Variants in EFR3A observed in about 807,000 individuals in gnomAD.
The protein encoded by EFR3A is protein EFR3 homolog A.
In EFR3A, 76 loss-of-function variants were observed where a neutral mutation model predicts 104.4. That is an observed-to-expected ratio of 0.73 (90% CI 0.60 to 0.88). The LOEUF (loss-of-function observed/expected upper bound fraction) is 0.88. Among genes scored for constraint, EFR3A ranks in the 40% least tolerant of loss-of-function variants. The probability of loss-of-function intolerance (pLI) is 0.00; values close to 1 mark genes in which losing one functional copy is unlikely to be tolerated. For synonymous variants in EFR3A, 330 were observed against 330.0 expected (o/e 1.00, Z 0.00); for missense variants, 985 against 1,012.5 (o/e 0.97, Z 0.37).
intron 1 of EFR3A, among the ~76,000 whole-genome samples, chr8:131,935,316 G>C (rs1012335455): frequency 3.9e-5 from 6 of 152,112 alleles, no homozygotes; most frequent in African/African-American, 1.4e-4. Context: ...ATAAATGTCT[G>C]CTTTATGCCT....
chr8:131,967,247 A>G (rs1254923084), intron 8 of EFR3A, among the ~76,000 whole-genome samples: 1 of 152,190 alleles, frequency 6.6e-6, no homozygotes, highest in Non-Finnish European at 1.5e-5. Context: ...GGTGATTTTA[A>G]AAGTAGATGT....
At position 131,996,494 on chromosome 8, in the gene EFR3A, T is replaced by A; in HGVS notation, c.2154T>A (p.Asp718Glu). The part of the protein sequence containing the change: ...DILSNNVPSD[D>E]VVSNTEEITF... Reference sequence around the variant, plus strand: ...TATCCAACAATGTTCCTTCTGATGATGTGGTAAGTTACTGAAAGTTTATGG... The same window carrying A: ...TATCCAACAATGTTCCTTCTGATGAAGTGGTAAGTTACTGAAAGTTTATGG... The change falls in exon 19 of 23, where the codon GAT becomes GAA. Residue 718 changes from aspartate (D) to glutamate (E), a missense_variant. Transcript: ENST00000254624. 2 of 1,587,196 alleles carry A rather than the reference T, an allele frequency of 1.3e-6. No homozygotes were observed. The highest frequency in any genetic ancestry group is 1.7e-4 in the Middle Eastern group (1 of 6,030).
intron 10 of EFR3A, 83 bp from the exon 11 acceptor site, chr8:131,975,944 A>C: frequency 2.5e-6 from 2 of 789,220 alleles, no homozygotes; most frequent in Non-Finnish European, 4.2e-6. Flanking sequence ...CCACATATTG[A>C]AAACTTTGGC....
chr8:131,977,057 A>G lies in EFR3A; in HGVS notation c.1291A>G (p.Arg431Gly). ...ATATTTTAGGGATTTGGGAACCAGGAGAATTCAGATAATGTTGCTGAGATC... is the reference window on the plus strand; with the variant it reads ...ATATTTTAGGGATTTGGGAACCAGGGGAATTCAGATAATGTTGCTGAGATC... ...ISQLGDLGTRRIQIMLLRSLL... is the reference protein window; with the variant it reads ...ISQLGDLGTRGIQIMLLRSLL... The change falls in exon 12 of 23, where the codon AGA becomes GGA. Residue 431 changes from arginine to glycine, a missense_variant. Coordinates refer to ENST00000254624, the MANE Select transcript of EFR3A (RefSeq NM_015137.6). 6.2e-7 allele frequency: 1 copy of G among 1,602,424 alleles called. No individual in the cohort carries two copies. Among genetic ancestry groups the G allele is most frequent in the South Asian group, 1.1e-5 (1 of 88,470 alleles).
At chr8:131,992,495 TA>T (rs1563698695) in intron 18 of EFR3A, among the ~76,000 whole-genome samples, 1 of 152,114 alleles carries the variant, frequency 6.6e-6, no homozygotes, top group Non-Finnish European at 1.5e-5. Flanking sequence ...TGTATGGATA[TA>T]TAGGTCAGAC....
intron 2 of EFR3A, among the ~76,000 whole-genome samples, chr8:131,940,829 G>A (rs1160535527): frequency 2.6e-5 from 4 of 151,926 alleles, no homozygotes; most frequent in Admixed American, 6.6e-5. Flanking sequence ...AGTTTATATA[G>A]TGTCTAAGTA....
At chr8:131,960,802 G>A (rs1819275162) in intron 8 of EFR3A, among the ~76,000 whole-genome samples, 2 of 152,100 alleles carry the variant, frequency 1.3e-5, no homozygotes, top group African/African-American at 2.4e-5. Flanking sequence ...ATTTCTTGAG[G>A]GTAATAAGAT....
rs1819211216 is a variant in EFR3A, at chr8:131,959,791, C to T, written c.855+128C>T. The stretch of plus-strand genomic sequence containing the variant: ...ATTGCTCTTAATTTAGCTCTTTTGT[C>T]TCATTCATTTTCATTTGCTACTTAT... On this transcript the variant is annotated intron_variant, in intron 8 of 22. Transcript: ENST00000254624. 6 of 553,286 alleles carry T rather than the reference C, an allele frequency of 1.1e-5. No individual in the cohort carries two copies. In the East Asian group the frequency reaches 1.9e-4, roughly 18 times the overall value. The allele number at this position is 553,286 out of a possible 1,614,324, so 34.3% of individuals were successfully genotyped here.
At chr8:131,980,351 C>T (rs1820546091) in intron 14 of EFR3A, among the ~76,000 whole-genome samples, 1 of 151,966 alleles carries the variant, frequency 6.6e-6, no homozygotes, top group African/African-American at 2.4e-5. Flanking sequence ...ATCACTCTTC[C>T]TAAATTAATG....
intron 22 of EFR3A, among the ~76,000 whole-genome samples, chr8:132,008,946 A>C (rs1422876742): frequency 6.6e-6 from 1 of 150,612 alleles, no homozygotes; most frequent in Non-Finnish European, 1.5e-5. Flanking sequence ...ACATTTGTCA[A>C]TTTTTGTCAA....
intron 10 of EFR3A, among the ~76,000 whole-genome samples, chr8:131,971,044 C>T (rs1259041323): frequency 6.6e-6 from 1 of 152,054 alleles, no homozygotes; most frequent in Non-Finnish European, 1.5e-5. Context: ...AAGTTGCATA[C>T]ATCATGGTCT....
chr8:132,010,234 A>G (rs975703573), intron 22 of EFR3A, among the ~76,000 whole-genome samples: 1 of 151,740 alleles, frequency 6.6e-6, no homozygotes, highest in Non-Finnish European at 1.5e-5. Context: ...TACCAAAGTC[A>G]ACATTTTGAG....
At chr8:131,914,001 T>G (rs1159347497) in intron 1 of EFR3A, among the ~76,000 whole-genome samples, 1 of 152,230 alleles carries the variant, frequency 6.6e-6, no homozygotes, top group Non-Finnish European at 1.5e-5. Context: ...CTACGCATAT[T>G]TAGATGTAAT....
At chr8:131,939,575 G>A (rs1290493107) in intron 1 of EFR3A, among the ~76,000 whole-genome samples, 4 of 152,088 alleles carry the variant, frequency 2.6e-5, no homozygotes, top group Admixed American at 2.6e-4. Context: ...CATTCTTACA[G>A]AAAACTTGAA....
At chr8:131,940,221 T>G in intron 1 of EFR3A, 1 of 361,996 alleles carries the variant, frequency 2.8e-6, no homozygotes, top group African/African-American at 2.1e-5. Context: ...AGAAAGGAGG[T>G]AAAGGGGGCA....
intron 14 of EFR3A, among the ~76,000 whole-genome samples, chr8:131,983,267 T>G (rs936679017): frequency 6.6e-6 from 1 of 152,146 alleles, no homozygotes; most frequent in Non-Finnish European, 1.5e-5. Context: ...AGCTTTATAC[T>G]TGAAAAATAC....
rs562751982 is a variant in EFR3A, at chr8:131,990,198, C to T, written c.2065+2496C>T. ...TCACTTGAACCACAAAACACAGCAG[C>T]TGATTTGGTATTATTCTAGGTGCAT... On this transcript the variant is annotated intron_variant, in intron 18 of 22. Transcript: ENST00000254624. Among the ~76,000 whole-genome samples the T allele has an allele frequency of 2.5e-4, 38 of 152,316 alleles. No homozygotes were observed. The Middle Eastern group carries it at 0.01, about 41-fold the overall frequency.
At chr8:131,971,350 C>G (rs1001718342) in intron 10 of EFR3A, among the ~76,000 whole-genome samples, 2 of 152,136 alleles carry the variant, frequency 1.3e-5, no homozygotes, top group Non-Finnish European at 2.9e-5. Context: ...CCCCCTCCCA[C>G]TTTTTTAAAA....
chr8:131,919,477 A>T (rs1260713365), intron 1 of EFR3A, among the ~76,000 whole-genome samples: 2 of 151,302 alleles, frequency 1.3e-5, no homozygotes, highest in Non-Finnish European at 2.9e-5. Context: ...GGCGCCCACT[A>T]CTCAGCTACT....
Sources: gnomAD v4.1 joint callset for allele counts (sites outside exome capture counted in the v4.1 genomes callset) on GRCh38, gnomAD v4.1.1 for gene constraint, MANE v1.5 for transcripts, NCBI Gene and HGNC (gene_info 2026-07-23, HGNC 2026-07-21) for gene names.